CTNND2: variants seen among roughly 807,000 people sequenced by gnomAD.
CTNND2 encodes the protein catenin delta 2, also known as catenin delta-2.
Under a neutral mutation model 144.4 loss-of-function variants are expected in CTNND2, and 22 were observed. The ratio of observed to expected loss-of-function variants is 0.15; its 90% CI spans 0.11 to 0.22. CTNND2 has a LOEUF of 0.22. Among genes scored for constraint, CTNND2 ranks in the 10% least tolerant of loss-of-function variants. The pLI is 1.00. For missense variants in CTNND2, 1,353 were observed against 1,618.8 expected (o/e 0.84, Z 2.82); for synonymous variants, 751 against 695.6 (o/e 1.08, Z -1.25).
intron 3 of CTNND2, among the ~76,000 whole-genome samples, chr5:11,522,036 C>G (rs1045680510): frequency 6.6e-6 from 1 of 152,304 alleles, no homozygotes; most frequent in African/African-American, 2.4e-5. Flanking sequence ...AGGGAGAGAT[C>G]TATCCTAAAT....
rs115805662 is a variant in CTNND2, at chr5:11,282,454, T to C, written c.1629-45631A>G. ...GTCGGGAAGATAATCACGTGTTGTT[T>C]TGAAAATCACTCCAAGGTGGTTCTG... On this transcript the variant is annotated intron_variant, in intron 9 of 21. Coordinates refer to ENST00000304623, the MANE Select transcript of CTNND2 (RefSeq NM_001332.4). 5.3e-3 allele frequency among the ~76,000 whole-genome samples: 800 copies of C among 152,282 alleles called. 10 individuals are homozygous for C. Among genetic ancestry groups the C allele is most frequent in the African/African-American group, 0.018 (741 of 41,554 alleles).
intron 11 of CTNND2, among the ~76,000 whole-genome samples, chr5:11,164,684 T>C (rs1759128266): frequency 6.6e-6 from 1 of 152,192 alleles, no homozygotes; most frequent in African/African-American, 2.4e-5. Flanking sequence ...CATTGTTTCC[T>C]AGATCTTTTC....
chr5:11,093,389 G>T (rs1750986930), intron 15 of CTNND2, among the ~76,000 whole-genome samples: 2 of 152,166 alleles, frequency 1.3e-5, no homozygotes, highest in Admixed American at 1.3e-4. Flanking sequence ...TACTATAAAT[G>T]AGAAAAAGGT....
At chr5:11,254,230 T>A (rs1192234417) in intron 9 of CTNND2, among the ~76,000 whole-genome samples, 1 of 152,166 alleles carries the variant, frequency 6.6e-6, no homozygotes, top group Admixed American at 6.5e-5. Context: ...TTTTCAGACA[T>A]CTTAAATGAC....
At chr5:11,260,412 G>T (rs967301829) in intron 9 of CTNND2, among the ~76,000 whole-genome samples, 1 of 151,830 alleles carries the variant, frequency 6.6e-6, no homozygotes, top group East Asian at 1.9e-4. Context: ...AAAGCACAAG[G>T]TCTCACACGA....
chr5:11,433,534 G>T (rs1763491391), intron 3 of CTNND2, among the ~76,000 whole-genome samples: 1 of 152,190 alleles, frequency 6.6e-6, no homozygotes, highest in African/African-American at 2.4e-5. Flanking sequence ...GAAGCATGGT[G>T]GTGTCTGCTT....
At chr5:11,477,180 C>G (rs1767825695) in intron 3 of CTNND2, among the ~76,000 whole-genome samples, 1 of 152,146 alleles carries the variant, frequency 6.6e-6, no homozygotes, top group African/African-American at 2.4e-5. Flanking sequence ...TGATTTATCC[C>G]ACAATTATCA....
intron 16 of CTNND2, among the ~76,000 whole-genome samples, chr5:11,062,978 T>C (rs893537290): frequency 6.6e-6 from 1 of 152,220 alleles, no homozygotes; most frequent in African/African-American, 2.4e-5. Flanking sequence ...TTCATCGTTT[T>C]CTTCAACGGG....
intron 19 of CTNND2, among the ~76,000 whole-genome samples, chr5:10,991,827 G>C (rs904877667): frequency 6.6e-6 from 1 of 152,234 alleles, no homozygotes; most frequent in Non-Finnish European, 1.5e-5. Flanking sequence ...TGTGTCAAAT[G>C]TATATCACAC....
intron 7 of CTNND2, among the ~76,000 whole-genome samples, chr5:11,377,601 A>G (rs1758065315): frequency 1.3e-5 from 2 of 152,184 alleles, no homozygotes; most frequent in South Asian, 4.1e-4. Context: ...CTTTCCTACC[A>G]AAGAACAAAA....
intron 16 of CTNND2, among the ~76,000 whole-genome samples, chr5:11,042,957 T>G (rs1163867711): frequency 6.6e-6 from 1 of 152,200 alleles, no homozygotes; most frequent in African/African-American, 2.4e-5. Context: ...GCAAGATAGT[T>G]TAGATGGTTC....
intron 10 of CTNND2, among the ~76,000 whole-genome samples, chr5:11,229,748 A>G (rs988336499): frequency 3.3e-5 from 5 of 151,748 alleles, no homozygotes; most frequent in Admixed American, 6.6e-5. Context: ...ACATATATAC[A>G]TATATATACT....
At chr5:11,214,692 G>A (rs1010338807) in intron 10 of CTNND2, among the ~76,000 whole-genome samples, 1 of 152,166 alleles carries the variant, frequency 6.6e-6, no homozygotes, top group African/African-American at 2.4e-5. Context: ...GACCTGCCTT[G>A]TCTTCTCTCT....
At chr5:11,103,135 T>C (rs1181162437) in intron 14 of CTNND2, among the ~76,000 whole-genome samples, 3 of 151,678 alleles carry the variant, frequency 2.0e-5, no homozygotes, top group African/African-American at 7.3e-5. Flanking sequence ...GTGTGCTCCA[T>C]CACACCCAGC....
intron 3 of CTNND2, among the ~76,000 whole-genome samples, chr5:11,532,224 C>T (rs887137791): frequency 2.0e-5 from 3 of 152,056 alleles, no homozygotes; most frequent in Admixed American, 6.6e-5. Context: ...CCCAACTTCT[C>T]CCTCTGCCAG....
At chr5:11,200,705 G>A (rs1737334445) in intron 10 of CTNND2, among the ~76,000 whole-genome samples, 1 of 152,026 alleles carries the variant, frequency 6.6e-6, no homozygotes, top group African/African-American at 2.4e-5. Context: ...TTGAGACAGA[G>A]TCTCGCTCTG....
rs1176641302 is a variant in CTNND2, at chr5:10,972,669, G to T, written c.*784C>A. ...AAGCACTTTGTTGACAAGGAGTGTG[G>T]AATGATGTATGTTAATTGTCAGAAA... On this transcript the variant is annotated 3_prime_UTR_variant, in exon 22 of 22. Coordinates refer to ENST00000304623, the MANE Select transcript of CTNND2 (RefSeq NM_001332.4). 1 of 152,588 alleles carries T rather than the reference G, an allele frequency of 6.6e-6. No homozygotes were observed. Among genetic ancestry groups the T allele is most frequent in the East Asian group, 1.9e-4 (1 of 5,202 alleles). 9.5% of individuals were successfully genotyped at this position (152,588 alleles called of 1,614,324 possible).
intron 1 of CTNND2, among the ~76,000 whole-genome samples, chr5:11,803,581 T>C (rs1468103956): frequency 6.6e-6 from 1 of 152,162 alleles, no homozygotes; most frequent in East Asian, 1.9e-4. Context: ...CACTGAATGT[T>C]AAGGCTACCG....
chr5:11,209,852 G>A (rs1231756141), intron 10 of CTNND2, among the ~76,000 whole-genome samples: 1 of 152,122 alleles, frequency 6.6e-6, no homozygotes, highest in East Asian at 1.9e-4. Flanking sequence ...AACCCAAAAG[G>A]TGGAGCTTGC....
Sources: allele counts gnomAD v4.1 joint callset (sites outside exome capture counted in the v4.1 genomes callset), GRCh38; gene constraint gnomAD v4.1.1; transcripts MANE v1.5; gene names NCBI Gene and HGNC (gene_info 2026-07-23, HGNC 2026-07-21).